Variants in SPATA13 observed in about 807,000 individuals in gnomAD.
SPATA13 encodes the protein spermatogenesis-associated protein 13.
A neutral mutation model predicts 104.0 loss-of-function variants in SPATA13; 50 were observed. The observed-to-expected ratio is 0.48, with a 90% CI of 0.38 to 0.61. The LOEUF (loss-of-function observed/expected upper bound fraction) is 0.61. SPATA13 is among the 20% of genes least tolerant of loss of function. The probability of loss-of-function intolerance (pLI) is 0.00; values close to 1 mark genes in which losing one functional copy is unlikely to be tolerated. For synonymous variants in SPATA13, 606 were observed against 667.5 expected (o/e 0.91, Z 1.42); for missense variants, 1,524 against 1,690.6 (o/e 0.90, Z 1.73).
intron 3 of SPATA13, among the ~76,000 whole-genome samples, chr13:24,029,305 C>A (rs1827643256): frequency 6.6e-6 from 1 of 152,092 alleles, no homozygotes; most frequent in South Asian, 2.1e-4. Context: ...TTTGCTTTTA[C>A]CAGATGCGTC....
chr13:24,244,852 C>T (rs893532693), intron 2 of SPATA13, among the ~76,000 whole-genome samples: 1 of 152,066 alleles, frequency 6.6e-6, no homozygotes, highest in African/African-American at 2.4e-5. Flanking sequence ...GAGACTGTCG[C>T]AAAATAAATA....
rs937392904 is a variant in SPATA13, at chr13:24,145,225, G to T, written c.-111-77594G>T. Among the ~76,000 whole-genome samples the T allele has an allele frequency of 3.9e-5, 6 of 152,170 alleles. No homozygotes were observed. The East Asian group carries it at 9.6e-4, about 24-fold the overall frequency. ...ATGTGTAAATCCTACTGCCCTGAAAGAATCTGATTTTTTACAACAGCCACA... is the reference window on the plus strand; with the variant it reads ...ATGTGTAAATCCTACTGCCCTGAAATAATCTGATTTTTTACAACAGCCACA... On this transcript the variant is annotated intron_variant, in intron 3 of 14. Transcript: ENST00000424834.
chr13:24,264,962 G>A (rs1370539404), intron 4 of SPATA13, among the ~76,000 whole-genome samples: 2 of 152,226 alleles, frequency 1.3e-5, no homozygotes, highest in African/African-American at 4.8e-5. Flanking sequence ...GAATGATGAA[G>A]GGGTTCATTG....
intron 3 of SPATA13, among the ~76,000 whole-genome samples, chr13:24,107,956 C>T (rs557663880): frequency 1.4e-4 from 21 of 152,300 alleles, no homozygotes; most frequent in African/African-American, 4.1e-4. Flanking sequence ...TGCTATAGTA[C>T]GATATCACAA....
At chr13:24,044,718 CATT>C (rs200551712) in intron 3 of SPATA13, among the ~76,000 whole-genome samples, 2,830 of 152,190 alleles carry the variant, frequency 0.019, 39 homozygotes, top group Middle Eastern at 0.045. Flanking sequence ...ATATACAGTA[CATT>C]ATTGTTAACT....
At chr13:24,292,036 G>A (rs1320457276) in intron 9 of SPATA13, among the ~76,000 whole-genome samples, 2 of 152,112 alleles carry the variant, frequency 1.3e-5, no homozygotes, top group African/African-American at 4.8e-5. Flanking sequence ...GATTACAGGC[G>A]TGAGCCACCG....
intron 3 of SPATA13, among the ~76,000 whole-genome samples, chr13:24,053,748 T>C (rs1292485389): frequency 1.3e-5 from 2 of 152,172 alleles, no homozygotes; most frequent in Non-Finnish European, 2.9e-5. Context: ...GGCTGCTGTC[T>C]CAGCCACTGA....
chr13:24,110,424 C>T (rs752860080), intron 3 of SPATA13, among the ~76,000 whole-genome samples: 10 of 152,156 alleles, frequency 6.6e-5, no homozygotes, highest in Non-Finnish European at 1.3e-4. Flanking sequence ...CAGATCCAGA[C>T]TCACTTAATA....
At chr13:24,020,066 C>G (rs1338527004) in intron 3 of SPATA13, among the ~76,000 whole-genome samples, 4 of 152,160 alleles carry the variant, frequency 2.6e-5, no homozygotes, top group Admixed American at 6.5e-5. Flanking sequence ...CTTAGGAAGT[C>G]CACCTCAGAG....
chr13:24,279,908 A>G (rs1274376127), intron 4 of SPATA13, among the ~76,000 whole-genome samples: 1 of 152,196 alleles, frequency 6.6e-6, no homozygotes, highest in East Asian at 1.9e-4. Flanking sequence ...TGAGCGCTTC[A>G]AGCCATCTTG....
At chr13:24,179,955 C>T (rs906049817) in intron 1 of SPATA13, among the ~76,000 whole-genome samples, 1 of 152,126 alleles carries the variant, frequency 6.6e-6, no homozygotes, top group Non-Finnish European at 1.5e-5. Context: ...CATTCTACAG[C>T]TTTTCTTTTT....
At chr13:24,207,883 T>G (rs1200994240) in intron 1 of SPATA13, among the ~76,000 whole-genome samples, 1 of 152,168 alleles carries the variant, frequency 6.6e-6, no homozygotes, top group Non-Finnish European at 1.5e-5. Flanking sequence ...TTCTATGGTG[T>G]GATCTTAGGA....
intron 1 of SPATA13, among the ~76,000 whole-genome samples, chr13:24,190,556 G>C (rs546980203): frequency 6.6e-6 from 1 of 151,066 alleles, no homozygotes; most frequent in Admixed American, 6.7e-5. Flanking sequence ...CACCCCTCAT[G>C]GATGACTTTG....
At chr13:24,089,205 TCA>T (rs1342574128) in intron 3 of SPATA13, among the ~76,000 whole-genome samples, 1 of 152,150 alleles carries the variant, frequency 6.6e-6, no homozygotes, top group East Asian at 1.9e-4. Context: ...CCCCTGTGTC[TCA>T]CATGATTTTT....
intron 4 of SPATA13, among the ~76,000 whole-genome samples, chr13:24,252,083 C>A (rs1873524578): frequency 6.6e-6 from 1 of 152,108 alleles, no homozygotes; most frequent in Admixed American, 6.5e-5. Flanking sequence ...GAGAAGTTTG[C>A]CCCTCCTGTG....
chr13:24,270,144 T>C (rs370301685), intron 4 of SPATA13, among the ~76,000 whole-genome samples: 78 of 152,318 alleles, frequency 5.1e-4, no homozygotes, highest in African/African-American at 1.8e-3. Context: ...AAGCTCACTC[T>C]TTGTTAACAG....
chr13:24,280,162 C>T (rs1256624458), intron 4 of SPATA13, among the ~76,000 whole-genome samples: 1 of 152,156 alleles, frequency 6.6e-6, no homozygotes, highest in Non-Finnish European at 1.5e-5. Flanking sequence ...CAGGTGCGTA[C>T]CACGACCCCG....
At chr13:24,192,189 G>A (rs1869799511) in intron 1 of SPATA13, among the ~76,000 whole-genome samples, 1 of 152,156 alleles carries the variant, frequency 6.6e-6, no homozygotes. Flanking sequence ...AGCAGCTGTT[G>A]TAAACTCTTG....
rs568696693 is a variant in SPATA13, at chr13:24,145,401, A to G, written c.-111-77418A>G. Among the ~76,000 whole-genome samples, 8 of 152,354 alleles carry G rather than the reference A, an allele frequency of 5.3e-5. No homozygotes were observed. In the South Asian group the frequency reaches 1.5e-3, roughly 28 times the overall value. On this transcript the variant is annotated intron_variant, in intron 3 of 14. Coordinates refer to the SPATA13 transcript ENST00000424834. The stretch of plus-strand genomic sequence containing the variant: ...AGGGGCTTTGAACAAGGTTTAAAGT[A>G]TGTCCCTGCAGGGGAAAGGAAGCTG...
Sources: allele counts gnomAD v4.1 joint callset (sites outside exome capture counted in the v4.1 genomes callset), GRCh38; gene constraint gnomAD v4.1.1; transcripts MANE v1.5; gene names NCBI Gene and HGNC (gene_info 2026-07-23, HGNC 2026-07-21).